Variants in PWWP3A observed in about 807,000 individuals in gnomAD.
PWWP3A encodes the protein PWWP domain-containing DNA repair factor 3A.
In PWWP3A, 53 loss-of-function variants were observed where a neutral mutation model predicts 79.0. That is an observed-to-expected ratio of 0.67 (90% confidence interval 0.54 to 0.84). PWWP3A has a LOEUF of 0.84. Among genes scored for constraint, PWWP3A ranks in the 40% least tolerant of loss-of-function variants. The pLI is 0.00. For synonymous variants in PWWP3A, 443 were observed against 394.4 expected (o/e 1.12, Z -1.46); for missense variants, 973 against 948.0 (o/e 1.03, Z -0.35).
At chr19:1,363,815 C>T (rs528660365) in intron 6 of PWWP3A, among the ~76,000 whole-genome samples, 4 of 152,274 alleles carry the variant, frequency 2.6e-5, no homozygotes, top group Non-Finnish European at 2.9e-5. Context: ...TCTCTGGTCA[C>T]GTTGGTTACT....
chr19:1,357,367 G>T, intron 3 of PWWP3A: 3 of 233,484 alleles, frequency 1.3e-5, no homozygotes, highest in Non-Finnish European at 1.7e-5. Context: ...ACTCAGGGTA[G>T]ACCCTATTTG....
At chr19:1,364,049 G>A in intron 6 of PWWP3A, 1 of 420,666 alleles carries the variant, frequency 2.4e-6, no homozygotes, top group South Asian at 1.8e-5. Flanking sequence ...TCCCATTTTT[G>A]ACTGTAGTTT....
In PWWP3A at chr19:1,378,134, G is replaced by A. The variant is rs1272294939; in HGVS notation, c.*1558G>A. On this transcript the variant is annotated 3_prime_UTR_variant, in exon 14 of 14. Transcript: ENST00000591337. ...CACACCCCGGAGGAGGCGGGGGTCA[G>A]GGCTGTCGGCCTTGGCCCCCTGCTG... 1 of 152,336 alleles carries A rather than the reference G, an allele frequency of 6.6e-6. No individual in the cohort carries two copies. Among genetic ancestry groups the A allele is most frequent in the East Asian group, 1.9e-4 (1 of 5,184 alleles). The allele number at this position is 152,336 out of a possible 1,614,324, so 9.4% of individuals were successfully genotyped here.
In PWWP3A at chr19:1,370,874, G is replaced by C. The variant is rs1409385795; in HGVS notation, c.1782G>C (p.Lys594Asn). Residue 594 changes from lysine (K) to asparagine (N), a missense_variant, in exon 12 of 14, where the codon AAG (lysine) becomes AAC (asparagine). By Grantham distance (94) the Lys-to-Asn change is moderately conservative. Coordinates refer to ENST00000591337, the MANE Select transcript of PWWP3A (RefSeq NM_001369789.1). ...AGAGCCACCTGCGGGCCATCCTAAA[G>C]AGCAGGAAGCCATCTCGCTGGCTGC... Reference protein sequence around the residue: ...GAESHLRAILKSRKPSRWLQT... With the variant: ...GAESHLRAILNSRKPSRWLQT... The C allele has an allele frequency of 2.6e-6, 4 of 1,558,512 alleles. No individual in the cohort carries two copies. The highest frequency in any genetic ancestry group is 2.6e-6 in the Non-Finnish European group (3 of 1,150,948).
intron 8 of PWWP3A, among the ~76,000 whole-genome samples, chr19:1,366,931 G>A (rs1484797570): frequency 6.6e-6 from 1 of 152,212 alleles, no homozygotes; most frequent in African/African-American, 2.4e-5. Flanking sequence ...CCCAGGCCCC[G>A]AGGTCGGCCT....
Position 1,371,054 on chromosome 19 carries a change from C to A in PWWP3A, c.1962C>A (p.Phe654Leu). ...GCACCAACGGCGACCGGATCCGGTTCATTCTGGACGTGCTTCTGCCCGAGG... is the reference window on the plus strand; with the variant it reads ...GCACCAACGGCGACCGGATCCGGTTAATTCTGGACGTGCTTCTGCCCGAGG... ...LQRTNGDRIR[F>L]ILDVLLPEAI... The change falls in exon 12 of 14, where the codon TTC (phenylalanine) becomes TTA (leucine). Residue 654 changes from phenylalanine to leucine, a missense_variant. By Grantham distance (22) the Phe-to-Leu change is conservative. Transcript: ENST00000591337. 6.4e-7 allele frequency: 1 copy of A among 1,569,642 alleles called. No homozygotes were observed. Among genetic ancestry groups the A allele is most frequent in the Non-Finnish European group, 8.6e-7 (1 of 1,157,042 alleles).
intron 13 of PWWP3A, chr19:1,374,160 G>A (rs550945733): frequency 6.6e-5 from 10 of 152,226 alleles, no homozygotes; most frequent in African/African-American, 2.2e-4. Context: ...ACCGCTCCAC[G>A]CCCATCTGTG....
intron 13 of PWWP3A, among the ~76,000 whole-genome samples, chr19:1,375,959 A>G (rs965762734): frequency 2.7e-5 from 4 of 150,302 alleles, no homozygotes; most frequent in Admixed American, 6.7e-5. Flanking sequence ...GCAGGTGCCC[A>G]CTACCACGCC....
At chr19:1,358,775 G>A in intron 4 of PWWP3A, 3 of 925,868 alleles carry the variant, frequency 3.2e-6, no homozygotes, top group Non-Finnish European at 4.8e-6. Flanking sequence ...TGCCATAAGG[G>A]GGGAGGTCCT....
intron 8 of PWWP3A, 60 bp downstream of exon 8, chr19:1,366,441 G>A (rs2082131090): frequency 6.7e-7 from 1 of 1,483,160 alleles, no homozygotes; most frequent in African/African-American, 1.4e-5. Context: ...GCCGCTCTCA[G>A]AGTCAGAGCG....
chr19:1,370,588 C>T, intron 11 of PWWP3A, 54 bp from the exon 12 acceptor site: 1 of 1,420,586 alleles, frequency 7.0e-7, no homozygotes, highest in Non-Finnish European at 9.3e-7. Flanking sequence ...GACCCACAGC[C>T]ACCCGAGGAA....
At position 1,378,090 on chromosome 19, in the gene PWWP3A, C is replaced by T. The variant is rs2082437374; in HGVS notation, c.*1514C>T. 6.6e-6 allele frequency: 1 copy of T among 152,248 alleles called. No homozygotes were observed. Among genetic ancestry groups the T allele is most frequent in the South Asian group, 2.1e-4 (1 of 4,832 alleles). The allele number at this position is 152,248 out of a possible 1,614,324, so 9.4% of individuals were successfully genotyped here. On this transcript the variant is annotated 3_prime_UTR_variant, in exon 14 of 14. Coordinates refer to ENST00000591337, the MANE Select transcript of PWWP3A (RefSeq NM_001369789.1). ...CCCATGCCCGCACGCTGGGGTCTGT[C>T]TTGTCTGGAGCAGTGGGGCACACCC...
intron 6 of PWWP3A, 150 bp from the exon 7 acceptor site, chr19:1,364,359 A>T: frequency 1.5e-6 from 1 of 677,216 alleles, no homozygotes; most frequent in Non-Finnish European, 2.6e-6. Flanking sequence ...TGCCTTTCAG[A>T]TTCTCCTGAT....
chr19:1,369,459 C>T lies in PWWP3A; in HGVS notation c.1498+119C>T, dbSNP rs558415812. 10 of 1,472,306 alleles carry T rather than the reference C, an allele frequency of 6.8e-6. No homozygotes were observed. In the South Asian group the frequency reaches 1.1e-4, roughly 17 times the overall value. The allele number at this position is 1,472,306 out of a possible 1,614,324, so 91.2% of individuals were successfully genotyped here. On this transcript the variant is annotated intron_variant, in intron 10 of 13. Coordinates refer to ENST00000591337, the MANE Select transcript of PWWP3A (RefSeq NM_001369789.1). The surrounding 1 kb of genome is among the most constrained non-coding windows in gnomAD (Gnocchi z 4.0). ...GGGGCATATTTCCGTGGGCCTGGGG[C>T]ATTCCCTGTGGGTGGGCTGGGGTTC... is the stretch of plus-strand genomic sequence containing the variant.
intron 7 of PWWP3A, among the ~76,000 whole-genome samples, chr19:1,365,701 T>C (rs2082113815): frequency 6.6e-6 from 1 of 152,358 alleles, no homozygotes; most frequent in South Asian, 2.1e-4. Context: ...CTTTCCCTTG[T>C]TTTCATCAGT....
Position 1,360,187 on chromosome 19 carries a change from G to A in PWWP3A, c.266G>A (p.Arg89Gln), listed in dbSNP as rs780448350. The A allele has an allele frequency of 2.0e-5, 32 of 1,601,984 alleles. No homozygotes were observed. Among genetic ancestry groups the A allele is most frequent in the Non-Finnish European group, 2.6e-5 (30 of 1,174,888 alleles). ...AAPLEELAYR[R>Q]SLRVALDVLS... The stretch of plus-strand genomic sequence containing the variant: ...CCCCTGGAAGAACTGGCCTACAGAC[G>A]GTCGCTTCGCGTGGCTCTGGACGTT... Residue 89 changes from arginine (R) to glutamine (Q), a missense_variant, in exon 5 of 14, where the codon CGG (arginine) becomes CAG (glutamine). Transcript: ENST00000591337. The surrounding 1 kb of genome is among the most constrained non-coding windows in gnomAD (Gnocchi z 4.4).
intron 12 of PWWP3A, 85 bp downstream of exon 12, chr19:1,371,163 C>A: frequency 1.4e-6 from 2 of 1,456,316 alleles, no homozygotes; most frequent in Non-Finnish European, 1.9e-6. Flanking sequence ...CTGCCACGGT[C>A]CTCGCCCCTG....
At chr19:1,365,931 G>C (rs1482501366) in intron 7 of PWWP3A, among the ~76,000 whole-genome samples, 2 of 152,238 alleles carry the variant, frequency 1.3e-5, no homozygotes, top group Non-Finnish European at 2.9e-5. Flanking sequence ...CGTGTGGCCT[G>C]GGCTTGTTCC....
intron 4 of PWWP3A, chr19:1,358,815 A>AGGAAAGGGGGGAGGTCCTCCTTTTTCC: frequency 1.7e-6 from 1 of 601,284 alleles, no homozygotes; most frequent in Non-Finnish European, 2.9e-6. Context: ...CTATAGTAAG[A>AGGAAAGGGGGGAGGTCCTCCTTTTTCC]TTTGCTGTGG....
Sources: gnomAD v4.1 joint callset for allele counts (sites outside exome capture counted in the v4.1 genomes callset) on GRCh38, gnomAD v4.1.1 for gene constraint, Gnocchi (gnomAD v3.1) non-coding constraint, MANE v1.5 for transcripts, NCBI Gene and HGNC (gene_info 2026-07-23, HGNC 2026-07-21) for gene names.